The following JAKMIP1 variants were observed in gnomAD, a reference collection of about 807,000 sequenced individuals.
JAKMIP1 encodes janus kinase and microtubule-interacting protein 1.
A neutral mutation model predicts 113.0 loss-of-function variants in JAKMIP1; 33 were observed. That is an observed-to-expected ratio of 0.29 (90% CI 0.22 to 0.39). The LOEUF (loss-of-function observed/expected upper bound fraction) is 0.39. Among genes scored for constraint, JAKMIP1 ranks in the 10% least tolerant of loss-of-function variants. The probability of loss-of-function intolerance (pLI) is 1.00; values close to 1 mark genes in which losing one functional copy is unlikely to be tolerated. For synonymous variants in JAKMIP1, 480 were observed against 459.9 expected, an observed-to-expected ratio of 1.04 and a Z score of -0.56; for missense variants, 813 against 1,080.5, an observed-to-expected ratio of 0.75 and a Z score of 3.47.
chr4:6,070,195 G>C, intron 8 of JAKMIP1: 1 of 398,530 alleles, frequency 2.5e-6, no homozygotes, highest in Middle Eastern at 6.3e-4. Context: ...ACCAGCCCCT[G>C]TGCGTGGGCT....
rs1340237545 is a variant in JAKMIP1, at chr4:6,183,750, TG to T, written c.-148+16502del. Among the ~76,000 whole-genome samples, 1 of 152,178 alleles carries T rather than the reference TG, an allele frequency of 6.6e-6. No individual in the cohort carries two copies. ...CAATATTAACCCTGGTAGACCCCAC[TG>T]CAGGGACCTGGGCTGCCAGGTGAAC... is the stretch of plus-strand genomic sequence containing the variant. On this transcript the variant is annotated intron_variant, in intron 1 of 20. Transcript: ENST00000409021. The surrounding 1 kb of genome is among the most constrained non-coding windows in gnomAD (Gnocchi z 5.3).
intron 3 of JAKMIP1, among the ~76,000 whole-genome samples, chr4:6,091,867 T>C (rs1246984486): frequency 6.6e-6 from 1 of 152,130 alleles, no homozygotes; most frequent in Non-Finnish European, 1.5e-5. Context: ...ATGAGGACTT[T>C]AAAAGGGTGC....
Position 6,187,443 on chromosome 4 carries a change from C to T in JAKMIP1, c.-148+12810G>A, listed in dbSNP as rs1726773154. ...TGAATGTTTATGTACCCCCAGAATT[C>T]ATATGTTTCTAGTCACCAGTATGAT... On this transcript the variant is annotated intron_variant, in intron 1 of 20. Transcript: ENST00000409021. The surrounding 1 kb of genome is among the most constrained non-coding windows in gnomAD (Gnocchi z 4.2). 6.6e-6 allele frequency among the ~76,000 whole-genome samples: 1 copy of T among 152,212 alleles called. No homozygotes were observed. Among genetic ancestry groups the T allele is most frequent in the South Asian group, 2.1e-4 (1 of 4,826 alleles).
At position 6,097,981 on chromosome 4, in the gene JAKMIP1, G is replaced by A. The variant is rs578093698; in HGVS notation, c.624+7492C>T. ...CACTTACATTGTGGGACAGAAAAGC[G>A]GTAACTGTGACTTGAATCAGAGATA... is the stretch of plus-strand genomic sequence containing the variant. On this transcript the variant is annotated intron_variant, in intron 3 of 20. Coordinates refer to ENST00000409021, the MANE Select transcript of JAKMIP1 (RefSeq NM_001099433.2). The surrounding 1 kb of genome is among the most constrained non-coding windows in gnomAD (Gnocchi z 4.3). Among the ~76,000 whole-genome samples, 5 of 152,306 alleles carry A rather than the reference G, an allele frequency of 3.3e-5. No individual in the cohort carries two copies. Among genetic ancestry groups the A allele is most frequent in the Non-Finnish European group, 7.3e-5 (5 of 68,028 alleles).
rs571922775 is a variant in JAKMIP1 at position 6,114,442 on chromosome 4, G to A, written c.-147-1445C>T. Reference sequence around the variant, plus strand: ...GAGATGCAGAAAGTACAGGACAGGGGTGCCCAGGGATGGTCTGGGGTGGGG... The same window carrying A: ...GAGATGCAGAAAGTACAGGACAGGGATGCCCAGGGATGGTCTGGGGTGGGG... On this transcript the variant is annotated intron_variant, in intron 1 of 20. Transcript: ENST00000409021. Among the ~76,000 whole-genome samples, 9 of 152,304 alleles carry A rather than the reference G, an allele frequency of 5.9e-5. No individual in the cohort carries two copies. The South Asian group carries it at 1.9e-3, about 32-fold the overall frequency.
chr4:6,060,414 T>A lies in JAKMIP1; in HGVS notation c.1644+10A>T, dbSNP rs768970185. On this transcript the variant is annotated intron_variant, in intron 11 of 20. Transcript: ENST00000409021. ...CTAAGATTCACAGAGCACAGATCAC[T>A]CCTGCTCACCTGTCCCTTCTCAACC... 1.9e-6 allele frequency: 3 copies of A among 1,601,830 alleles called. No homozygotes were observed. The highest frequency in any genetic ancestry group is 2.6e-6 in the Non-Finnish European group (3 of 1,168,758).
At chr4:6,148,231 G>A (rs904419210) in intron 1 of JAKMIP1, among the ~76,000 whole-genome samples, 11 of 152,332 alleles carry the variant, frequency 7.2e-5, no homozygotes, top group African/African-American at 2.4e-4. Flanking sequence ...TGATATGATG[G>A]CTGTGGTGCG....
At chr4:6,177,550 T>A (rs1037121289) in intron 1 of JAKMIP1, among the ~76,000 whole-genome samples, 9 of 151,994 alleles carry the variant, frequency 5.9e-5, no homozygotes, top group African/African-American at 2.2e-4. Flanking sequence ...GGACCTAGAG[T>A]CAAATCCTAG....
At position 6,081,802 on chromosome 4, in the gene JAKMIP1, C is replaced by G. The variant is rs142465887; in HGVS notation, c.955-47G>C. On this transcript the variant is annotated intron_variant, in intron 5 of 20. Transcript: ENST00000409021. The surrounding 1 kb of genome is among the most constrained non-coding windows in gnomAD (Gnocchi z 4.6). ...GAGGCTCAGACAACTTGACGACGGA[C>G]GGCCGAGGTCACAGCACCGAGGTGA... The G allele has an allele frequency of 2.5e-6, 4 of 1,610,784 alleles. No individual in the cohort carries two copies. The highest frequency in any genetic ancestry group is 2.5e-6 in the Non-Finnish European group (3 of 1,178,156).
At position 6,050,099 on chromosome 4, in the gene JAKMIP1, T is replaced by G. The variant is rs1715467813; in HGVS notation, c.1909-227A>C. ...CAAACACTGCTTTCTAGAAAGGCCATGGAAGCGGGTGAGTCAGGACGCTGT... is the reference window on the plus strand; with the variant it reads ...CAAACACTGCTTTCTAGAAAGGCCAGGGAAGCGGGTGAGTCAGGACGCTGT... On this transcript the variant is annotated intron_variant, in intron 14 of 20. Coordinates refer to ENST00000409021, the MANE Select transcript of JAKMIP1 (RefSeq NM_001099433.2). The surrounding 1 kb of genome is among the most constrained non-coding windows in gnomAD (Gnocchi z 7.4). Among the ~76,000 whole-genome samples, 1 of 152,324 alleles carries G rather than the reference T, an allele frequency of 6.6e-6. No individual in the cohort carries two copies.
chr4:6,111,295 G>A (rs564950910), intron 2 of JAKMIP1, among the ~76,000 whole-genome samples: 15 of 152,258 alleles, frequency 9.9e-5, no homozygotes, highest in African/African-American at 3.1e-4. Flanking sequence ...GGGCACCTTC[G>A]GGGCTTCAGA....
chr4:6,162,811 C>G lies in JAKMIP1; in HGVS notation c.-148+37442G>C, dbSNP rs774214144. ...ACCCAAGTGTTCCCCATTCCAAAGCCTGGGTCCCTAACCATCAAGGACTCT... is the reference window on the plus strand; with the variant it reads ...ACCCAAGTGTTCCCCATTCCAAAGCGTGGGTCCCTAACCATCAAGGACTCT... On this transcript the variant is annotated intron_variant, in intron 1 of 20. Coordinates refer to ENST00000409021, the MANE Select transcript of JAKMIP1 (RefSeq NM_001099433.2). This position sits in a 1 kb window ranked among gnomAD's most constrained non-coding sequence, Gnocchi z 5.6. Among the ~76,000 whole-genome samples, 1 of 152,172 alleles carries G rather than the reference C, an allele frequency of 6.6e-6. No homozygotes were observed. The highest frequency in any genetic ancestry group is 1.5e-5 in the Non-Finnish European group (1 of 68,028).
chr4:6,072,510 G>A (rs1303421047), intron 8 of JAKMIP1, among the ~76,000 whole-genome samples: 2 of 152,158 alleles, frequency 1.3e-5, no homozygotes. Flanking sequence ...TGAGCCAGAA[G>A]GGAACAAGCC....
rs921709610 is a variant in JAKMIP1 at position 6,093,894 on chromosome 4, A to G, written c.625-8265T>C. Reference sequence around the variant, plus strand: ...CTGGTCAACCTGTGTGCAGGGCTCCAGAGTCCCACCTGCCCAGGAGGCTGC... The same window carrying G: ...CTGGTCAACCTGTGTGCAGGGCTCCGGAGTCCCACCTGCCCAGGAGGCTGC... On this transcript the variant is annotated intron_variant, in intron 3 of 20. Transcript: ENST00000409021. The surrounding 1 kb of genome is among the most constrained non-coding windows in gnomAD (Gnocchi z 4.6). Among the ~76,000 whole-genome samples, 13 of 152,194 alleles carry G rather than the reference A, an allele frequency of 8.5e-5. 1 individual carries two copies. Among genetic ancestry groups the G allele is most frequent in the Admixed American group, 3.3e-4 (5 of 15,300 alleles).
intron 8 of JAKMIP1, among the ~76,000 whole-genome samples, chr4:6,075,960 T>G (rs1312031296): frequency 6.6e-6 from 1 of 152,158 alleles, no homozygotes; most frequent in African/African-American, 2.4e-5. Context: ...GTGGATCACT[T>G]GAGGTCTGGA....
Position 6,089,754 on chromosome 4 carries a change from T to A in JAKMIP1, c.625-4125A>T, listed in dbSNP as rs1478109261. Among the ~76,000 whole-genome samples, 1 of 152,214 alleles carries A rather than the reference T, an allele frequency of 6.6e-6. No homozygotes were observed. Among genetic ancestry groups the A allele is most frequent in the African/African-American group, 2.4e-5 (1 of 41,466 alleles). On this transcript the variant is annotated intron_variant, in intron 3 of 20. Transcript: ENST00000409021. The surrounding 1 kb of genome is among the most constrained non-coding windows in gnomAD (Gnocchi z 5.3). ...AATCAAAGACTGAAGCAGAGGCCAC[T>A]ACCTCAACATCAATTCTCATTCTTG...
Position 6,176,783 on chromosome 4 carries a change from G to A in JAKMIP1, c.-148+23470C>T, listed in dbSNP as rs960506270. On this transcript the variant is annotated intron_variant, in intron 1 of 20. Coordinates refer to ENST00000409021, the MANE Select transcript of JAKMIP1 (RefSeq NM_001099433.2). The surrounding 1 kb of genome is among the most constrained non-coding windows in gnomAD (Gnocchi z 5.5). ...GCCATGGCTCACACCTGTAATCCTA[G>A]CACTTTTTGGGGGCCGAGGCAGGCG... Among the ~76,000 whole-genome samples, 5 of 152,176 alleles carry A rather than the reference G, an allele frequency of 3.3e-5. No individual in the cohort carries two copies. The highest frequency in any genetic ancestry group is 9.7e-5 in the African/African-American group (4 of 41,446).
At chr4:6,110,893 G>C (rs1490417514) in intron 2 of JAKMIP1, among the ~76,000 whole-genome samples, 1 of 151,778 alleles carries the variant, frequency 6.6e-6, no homozygotes, top group Non-Finnish European at 1.5e-5. Context: ...TACACCCCCA[G>C]CCAGTCAGCC....
intron 1 of JAKMIP1, among the ~76,000 whole-genome samples, chr4:6,191,376 T>G (rs1727239860): frequency 6.6e-6 from 1 of 152,188 alleles, no homozygotes; most frequent in Non-Finnish European, 1.5e-5. Flanking sequence ...CCTTAGTGGC[T>G]GGGTCAGCCT....
Sources: allele counts gnomAD v4.1 joint callset (sites outside exome capture counted in the v4.1 genomes callset), GRCh38; gene constraint gnomAD v4.1.1; non-coding constraint Gnocchi (gnomAD v3.1); transcripts MANE v1.5; gene names NCBI Gene and HGNC (gene_info 2026-07-23, HGNC 2026-07-21).